TAB1: variants seen among roughly 807,000 people sequenced by gnomAD.
The protein encoded by TAB1 is TGF-beta activated kinase 1 (MAP3K7) binding protein 1, also known as TGF-beta-activated kinase 1 and MAP3K7-binding protein 1.
Under a neutral mutation model 54.5 loss-of-function variants are expected in TAB1, and 30 were observed. The ratio of observed to expected loss-of-function variants is 0.55; its 90% CI spans 0.41 to 0.75. The LOEUF (loss-of-function observed/expected upper bound fraction) is 0.75. TAB1 is among the 30% of genes least tolerant of loss of function. The pLI, the probability that TAB1 is intolerant of heterozygous loss-of-function variation, is 0.00. For missense variants in TAB1, 609 were observed against 683.2 expected, an observed-to-expected ratio of 0.89 and a Z score of 1.21; for synonymous variants, 289 against 286.9, an observed-to-expected ratio of 1.01 and a Z score of -0.07.
rs1429749558 is a variant in TAB1 at position 39,431,144 on chromosome 22, T to TA, written c.*922_*923insA. The TA allele has an allele frequency of 2.0e-6, 2 of 985,714 alleles. No individual in the cohort carries two copies. Among genetic ancestry groups the TA allele is most frequent in the African/African-American group, 3.5e-5 (2 of 57,232 alleles). The allele number at this position is 985,714 out of a possible 1,614,324, so 61.1% of individuals were successfully genotyped here. The stretch of plus-strand genomic sequence containing the variant: ...TGTGAGTCAGGCTGGGGGACTTGTT[T>TA]GAAAGAAAGAGGAGTGGAAAATGGT... On this transcript the variant is annotated 3_prime_UTR_variant, in exon 11 of 11. Transcript: ENST00000216160.
chr22:39,415,742 T>C lies in TAB1; in HGVS notation c.324+89T>C. The C allele has an allele frequency of 6.7e-7, 1 of 1,500,022 alleles. No homozygotes were observed. The highest frequency in any genetic ancestry group is 1.3e-5 in the South Asian group (1 of 79,912). The allele number at this position is 1,500,022 out of a possible 1,614,324, so 92.9% of individuals were successfully genotyped here. On this transcript the variant is annotated intron_variant, in intron 3 of 10. Transcript: ENST00000216160. The surrounding 1 kb of genome is among the most constrained non-coding windows in gnomAD (Gnocchi z 4.9). ...CTGCACCTCTAGCATGTTGCCAGGGTTGGTGTGAAGATCCTGCCGGCCCCT... is the reference window on the plus strand; with the variant it reads ...CTGCACCTCTAGCATGTTGCCAGGGCTGGTGTGAAGATCCTGCCGGCCCCT...
chr22:39,420,775 C>CTCTGTGTGTGTGTG (rs1555950643), intron 7 of TAB1, among the ~76,000 whole-genome samples: 1 of 71,812 alleles, frequency 1.4e-5, no homozygotes, highest in African/African-American at 5.0e-5. Flanking sequence ...CACGGTGTCT[C>CTCTGTGTGTGTGTG]TGTGTGTGTG....
At chr22:39,417,663 G>A in intron 4 of TAB1, 48 bp from the exon 5 acceptor site, 2 of 1,515,626 alleles carry the variant, frequency 1.3e-6, no homozygotes, top group South Asian at 1.3e-5. Flanking sequence ...GGGCTAGGAA[G>A]ATGGTCCAGA....
At chr22:39,431,911 T>G (rs547059730), downstream of TAB1, 2 of 983,014 alleles carry the variant, frequency 2.0e-6, no homozygotes, top group Admixed American at 1.2e-4. Flanking sequence ...TTCCTGTAAC[T>G]CGCAGTGGCC....
At chr22:39,399,979 C>A in intron 1 of TAB1, 144 bp downstream of exon 1, 1 of 959,852 alleles carries the variant, frequency 1.0e-6, no homozygotes, top group South Asian at 1.6e-5. Flanking sequence ...TCTCCTCGGG[C>A]TGGCCCCCTC....
At chr22:39,412,892 CTTTTTTTTTTT>C (rs34847488) in intron 1 of TAB1, among the ~76,000 whole-genome samples, 1 of 90,464 alleles carries the variant, frequency 1.1e-5, no homozygotes, top group Non-Finnish European at 2.1e-5. Context: ...TATCCTGCAA[CTTTTTTTTTTT>C]TTTTTTTTTT....
At chr22:39,421,236 C>A (rs1055507559) in intron 7 of TAB1, among the ~76,000 whole-genome samples, 3 of 152,238 alleles carry the variant, frequency 2.0e-5, no homozygotes, top group East Asian at 1.9e-4. Context: ...GTTAGGATGG[C>A]GTCATTCTGT....
In TAB1 at chr22:39,430,477, C is replaced by T. The variant is rs1927539637; in HGVS notation, c.*255C>T. The T allele has an allele frequency of 1.4e-6, 2 of 1,381,316 alleles. No individual in the cohort carries two copies. The highest frequency in any genetic ancestry group is 1.5e-5 in the African/African-American group (1 of 68,676). 85.6% of individuals were successfully genotyped at this position (1,381,316 alleles called of 1,614,324 possible). ...CTCAGCCAGGACCATCGCCCTTTCT[C>T]AGAGCAGAGGGCCAGGTATAGAAAC... On this transcript the variant is annotated 3_prime_UTR_variant, in exon 11 of 11. Transcript: ENST00000216160.
chr22:39,430,406 C>A lies in TAB1; in HGVS notation c.*184C>A. 2 of 1,438,158 alleles carry A rather than the reference C, an allele frequency of 1.4e-6. No individual in the cohort carries two copies. The highest frequency in any genetic ancestry group is 1.8e-6 in the Non-Finnish European group (2 of 1,097,408). 89.1% of individuals were successfully genotyped at this position (1,438,158 alleles called of 1,614,324 possible). A position where few individuals can be genotyped will look rare whatever the true frequency, so the allele number is the denominator to read the frequency against. The stretch of plus-strand genomic sequence containing the variant: ...GTGCAGACTGGACCTGTGGTTCATA[C>A]CTTGTCACCACCCGGGAAGCTGAAG... On this transcript the variant is annotated 3_prime_UTR_variant, in exon 11 of 11. Coordinates refer to ENST00000216160, the MANE Select transcript of TAB1 (RefSeq NM_006116.3).
chr22:39,425,490 C>A (rs546554220), intron 8 of TAB1, among the ~76,000 whole-genome samples: 1 of 151,978 alleles, frequency 6.6e-6, no homozygotes, highest in Admixed American at 6.5e-5. Context: ...GTGTTCTGAG[C>A]ACATTTAAGG....
intron 1 of TAB1, among the ~76,000 whole-genome samples, chr22:39,408,588 C>T (rs998804956): frequency 1.3e-5 from 2 of 152,212 alleles, no homozygotes; most frequent in South Asian, 2.1e-4. Context: ...CTGCAACCTC[C>T]ACCTCCTGGG....
chr22:39,434,323 T>A (rs1418955076), downstream of TAB1, among the ~76,000 whole-genome samples: 2 of 152,162 alleles, frequency 1.3e-5, no homozygotes, highest in Non-Finnish European at 2.9e-5. Flanking sequence ...AGGTACCGGG[T>A]CGATGCTACC....
At chr22:39,424,906 C>G (rs143862235) in intron 8 of TAB1, among the ~76,000 whole-genome samples, 12 of 152,194 alleles carry the variant, frequency 7.9e-5, no homozygotes, top group African/African-American at 2.6e-4. Flanking sequence ...AGTGTTGAAA[C>G]TGAGCCCACC....
chr22:39,408,533 C>G (rs1047206437), intron 1 of TAB1, among the ~76,000 whole-genome samples: 2 of 152,310 alleles, frequency 1.3e-5, no homozygotes, highest in Admixed American at 6.5e-5. Flanking sequence ...GAGTCTCGCT[C>G]TGTCATCCAG....
chr22:39,411,613 C>T (rs777199673), intron 1 of TAB1, among the ~76,000 whole-genome samples: 11 of 152,204 alleles, frequency 7.2e-5, no homozygotes, highest in East Asian at 3.9e-4. Flanking sequence ...GTGGAGCAGC[C>T]GGAACTCAAC....
intron 1 of TAB1, among the ~76,000 whole-genome samples, chr22:39,403,371 G>A (rs1248841899): frequency 6.6e-6 from 1 of 152,200 alleles, no homozygotes; most frequent in Non-Finnish European, 1.5e-5. Context: ...AGATGAAAAC[G>A]GGGAAATGGG....
intron 1 of TAB1, 89 bp downstream of exon 1, chr22:39,399,924 G>A: frequency 7.1e-7 from 1 of 1,410,226 alleles, no homozygotes; most frequent in Non-Finnish European, 9.8e-7. Context: ...CTCCGAGTTT[G>A]GACAGCCACC....
In TAB1 at chr22:39,431,363, C is replaced by T. The variant is rs990789386; in HGVS notation, c.*1141C>T. 6.1e-6 allele frequency: 6 copies of T among 985,382 alleles called. No individual in the cohort carries two copies. The highest frequency in any genetic ancestry group is 7.2e-6 in the Non-Finnish European group (6 of 829,996). 61.0% of individuals were successfully genotyped at this position (985,382 alleles called of 1,614,324 possible). A position where few individuals can be genotyped will look rare whatever the true frequency, so the allele number is the denominator to read the frequency against. On this transcript the variant is annotated 3_prime_UTR_variant, in exon 11 of 11. Coordinates refer to ENST00000216160, the MANE Select transcript of TAB1 (RefSeq NM_006116.3). Reference sequence around the variant, plus strand: ...GAGGAAGCAGGCCGAGAGACTTGCACCTTGGCCAAGCCACACAATCAGTGG... The same window carrying T: ...GAGGAAGCAGGCCGAGAGACTTGCATCTTGGCCAAGCCACACAATCAGTGG...
At chr22:39,408,492 TTTTTTGTTTTTG>T (rs778980671) in intron 1 of TAB1, among the ~76,000 whole-genome samples, 2 of 152,080 alleles carry the variant, frequency 1.3e-5, no homozygotes, top group African/African-American at 4.8e-5. Flanking sequence ...TTCACTGGCG[TTTTTTGTTTTTG>T]TTTTTGTTTT....
Sources: allele counts gnomAD v4.1 joint callset (sites outside exome capture counted in the v4.1 genomes callset), GRCh38; gene constraint gnomAD v4.1.1; non-coding constraint Gnocchi (gnomAD v3.1); transcripts MANE v1.5; gene names NCBI Gene and HGNC (gene_info 2026-07-23, HGNC 2026-07-21).